Variants in GDA observed in about 807,000 individuals in gnomAD.
GDA encodes the protein guanine deaminase.
In GDA, 18 loss-of-function variants were observed where a neutral mutation model predicts 59.6. That is an observed-to-expected ratio of 0.30 (90% CI 0.21 to 0.45). The LOEUF is 0.45. Ranked by LOEUF, GDA falls within the 20% of genes least tolerant of loss-of-function variation. GDA has a pLI of 1.00. For synonymous variants in GDA, 201 were observed against 201.1 expected (o/e 1.00, Z 0.00); for missense variants, 427 against 552.3 (o/e 0.77, Z 2.27).
At chr9:72,225,902 T>C (rs1837498536) in intron 8 of GDA, 118 bp downstream of exon 8, 3 of 557,560 alleles carry the variant, frequency 5.4e-6, no homozygotes, top group African/African-American at 1.9e-5. Context: ...AAATTTTTTT[T>C]AAAGTTTTAA....
At chr9:72,206,170 A>G (rs565913660) in intron 3 of GDA, among the ~76,000 whole-genome samples, 67 of 152,320 alleles carry the variant, frequency 4.4e-4, no homozygotes, top group African/African-American at 1.6e-3. Flanking sequence ...ATTTTTTAAA[A>G]GAAGACTGCA....
chr9:72,195,720 G>A (rs1183503438), intron 2 of GDA, 132 bp downstream of exon 2: 3 of 357,654 alleles, frequency 8.4e-6, no homozygotes, highest in Non-Finnish European at 1.5e-5. Context: ...TTAATTATTT[G>A]TTAAGGGAGG....
At chr9:72,255,627 G>A (rs1840866048), downstream of GDA, among the ~76,000 whole-genome samples, 1 of 152,140 alleles carries the variant, frequency 6.6e-6, no homozygotes, top group African/African-American at 2.4e-5. Context: ...AAGATGAATT[G>A]GCAACTTACG....
chr9:72,209,402 C>T (rs1835096005), intron 3 of GDA, among the ~76,000 whole-genome samples: 1 of 152,126 alleles, frequency 6.6e-6, no homozygotes, highest in Admixed American at 6.5e-5. Flanking sequence ...AACCCTCCTA[C>T]TGGCTTCCAC....
chr9:72,238,988 G>T (rs879265951), intron 10 of GDA, among the ~76,000 whole-genome samples: 3 of 152,126 alleles, frequency 2.0e-5, no homozygotes, highest in Non-Finnish European at 4.4e-5. Context: ...TTAAAACCAG[G>T]TCTGTAAAAT....
At chr9:72,226,858 C>T (rs1837659640) in intron 8 of GDA, among the ~76,000 whole-genome samples, 1 of 152,048 alleles carries the variant, frequency 6.6e-6, no homozygotes. Flanking sequence ...TGGCTCATGT[C>T]TGTAATCCCA....
At chr9:72,230,507 T>C (rs868277036) in intron 9 of GDA, among the ~76,000 whole-genome samples, 1 of 147,084 alleles carries the variant, frequency 6.8e-6, no homozygotes, top group Non-Finnish European at 1.5e-5. Context: ...AAAAAATATA[T>C]ATATATATAT....
At chr9:72,141,057 C>T (rs1826423946) in intron 1 of GDA, among the ~76,000 whole-genome samples, 1 of 152,164 alleles carries the variant, frequency 6.6e-6, no homozygotes, top group Admixed American at 6.6e-5. Flanking sequence ...AATTTTAATG[C>T]TCCATGGGGG....
chr9:72,206,624 T>C (rs1375828179), intron 3 of GDA, among the ~76,000 whole-genome samples: 1 of 151,912 alleles, frequency 6.6e-6, no homozygotes, highest in African/African-American at 2.4e-5. Flanking sequence ...AATACAAAAA[T>C]TAGCCAGGCA....
At chr9:72,119,790 A>G (rs1031351908) in intron 1 of GDA, among the ~76,000 whole-genome samples, 11 of 152,318 alleles carry the variant, frequency 7.2e-5, no homozygotes, top group African/African-American at 2.6e-4. Context: ...AGCAAGATAT[A>G]CACTTTATCA....
At chr9:72,134,260 G>A (rs1009375455) in intron 1 of GDA, among the ~76,000 whole-genome samples, 14 of 152,300 alleles carry the variant, frequency 9.2e-5, no homozygotes, top group African/African-American at 3.4e-4. Flanking sequence ...GACATTTAAT[G>A]TTTATCACAA....
At chr9:72,240,430 A>C (rs1839484365) in intron 10 of GDA, among the ~76,000 whole-genome samples, 1 of 152,200 alleles carries the variant, frequency 6.6e-6, no homozygotes. Flanking sequence ...AATTTCTGTG[A>C]GAGTTCATGG....
At chr9:72,161,611 T>C (rs978128690) in intron 1 of GDA, among the ~76,000 whole-genome samples, 4 of 152,220 alleles carry the variant, frequency 2.6e-5, no homozygotes, top group African/African-American at 4.8e-5. Context: ...TGCAATAATG[T>C]AGATTATAAA....
intron 13 of GDA, 105 bp from the exon 14 acceptor site, chr9:72,248,167 T>C: frequency 2.5e-6 from 2 of 787,592 alleles, no homozygotes; most frequent in South Asian, 3.0e-5. Context: ...GCTTTTAGTA[T>C]TTCCTCTCCT....
intron 1 of GDA, among the ~76,000 whole-genome samples, chr9:72,163,641 C>T (rs1197444282): frequency 1.3e-5 from 2 of 152,010 alleles, no homozygotes; most frequent in African/African-American, 2.4e-5. Flanking sequence ...TACAGGTGCC[C>T]GCCACCATGC....
intron 1 of GDA, among the ~76,000 whole-genome samples, chr9:72,161,674 T>C (rs1828647569): frequency 6.6e-6 from 1 of 152,234 alleles, no homozygotes. Flanking sequence ...TGTTTGCTTT[T>C]TCATAAGATG....
chr9:72,183,335 T>C (rs1351182703), intron 1 of GDA, among the ~76,000 whole-genome samples: 1 of 152,152 alleles, frequency 6.6e-6, no homozygotes. Context: ...TCCTTGACAC[T>C]GCACTTCTCC....
intron 1 of GDA, among the ~76,000 whole-genome samples, chr9:72,139,618 G>A (rs879676796): frequency 1.3e-5 from 2 of 151,972 alleles, no homozygotes; most frequent in African/African-American, 2.4e-5. Context: ...ACAAGAGTTC[G>A]GGACCAGATT....
chr9:72,185,541 C>T (rs539640965), intron 1 of GDA, among the ~76,000 whole-genome samples: 73 of 152,266 alleles, frequency 4.8e-4, no homozygotes, highest in Admixed American at 1.4e-3. Context: ...TGAGCTAATA[C>T]GGCAATTTTT....
Sources: gnomAD v4.1 joint callset for allele counts (sites outside exome capture counted in the v4.1 genomes callset) on GRCh38, gnomAD v4.1.1 for gene constraint, MANE v1.5 for transcripts, NCBI Gene and HGNC (gene_info 2026-07-23, HGNC 2026-07-21) for gene names.